The following SEC31A variants were observed in gnomAD, a reference collection of about 807,000 sequenced individuals.
The protein encoded by SEC31A is protein transport protein Sec31A.
SEC31A carries 70 observed loss-of-function variants against 151.0 expected under a neutral mutation model. The ratio of observed to expected loss-of-function variants is 0.46; its 90% CI spans 0.38 to 0.57. The LOEUF is 0.57. SEC31A is among the 20% of genes least tolerant of loss of function. The pLI, the probability that SEC31A is intolerant of heterozygous loss-of-function variation, is 0.00. For missense variants in SEC31A, 1,330 were observed against 1,471.2 expected, an observed-to-expected ratio of 0.90 and a Z score of 1.57; for synonymous variants, 475 against 505.9, an observed-to-expected ratio of 0.94 and a Z score of 0.82.
Position 82,824,671 on chromosome 4 carries a change from C to T in SEC31A, c.3295G>A (p.Val1099Met). 6.2e-7 allele frequency: 1 copy of T among 1,613,696 alleles called. No homozygotes were observed. The highest frequency in any genetic ancestry group is 8.5e-7 in the Non-Finnish European group (1 of 1,179,878). The part of the protein sequence containing the change: ...GAPIGNTFQH[V>M]QSLPTKKITK... ...ATTTTTTTTGTTGGCAAAGACTGCA[C>T]ATGCTGGAAGAAACACACCAAAAAC... The change falls in exon 25 of 27, where the codon GTG (valine) becomes ATG (methionine). Residue 1099 changes from valine to methionine, a missense_variant. Transcript: ENST00000395310.
chr4:82,872,232 G>A (rs1181261697), intron 6 of SEC31A, 146 bp from the exon 7 acceptor site: 1 of 678,320 alleles, frequency 1.5e-6, no homozygotes, highest in Non-Finnish European at 2.5e-6. Context: ...TTGTCAGCCA[G>A]GCTGGAGTGC....
chr4:82,823,415 T>G (rs1723839977), intron 25 of SEC31A, among the ~76,000 whole-genome samples: 1 of 152,206 alleles, frequency 6.6e-6, no homozygotes, highest in African/African-American at 2.4e-5. Context: ...TCCCAGAATG[T>G]CAGGCACTAA....
chr4:82,850,198 T>G (rs1731194979), intron 19 of SEC31A, among the ~76,000 whole-genome samples: 1 of 152,104 alleles, frequency 6.6e-6, no homozygotes, highest in Non-Finnish European at 1.5e-5. Context: ...CTAGATGAGC[T>G]ACGGGTCTTA....
chr4:82,861,905 CTTTTTTTTTTTTTTTTT>C, intron 13 of SEC31A, 197 bp from the exon 14 acceptor site: 1 of 87,902 alleles, frequency 1.1e-5, no homozygotes, highest in Non-Finnish European at 2.0e-5. Context: ...CTTTCCCATT[CTTTTTTTTTTTTTTTTT>C]TTTTTTTTTG....
chr4:82,841,338 G>A (rs1298901048), intron 22 of SEC31A, among the ~76,000 whole-genome samples: 2 of 150,112 alleles, frequency 1.3e-5, no homozygotes, highest in South Asian at 2.1e-4. Flanking sequence ...CAGGAGAATC[G>A]CTTGAACCCG....
rs1205126524 is a variant in SEC31A, at chr4:82,881,772, G to A, written c.79+86C>T. 5.9e-6 allele frequency: 6 copies of A among 1,012,826 alleles called. No homozygotes were observed. The Admixed American group carries it at 1.1e-4, about 18-fold the overall frequency. 62.7% of individuals were successfully genotyped at this position (1,012,826 alleles called of 1,614,324 possible). A position where few individuals can be genotyped will look rare whatever the true frequency, so the allele number is the denominator to read the frequency against. On this transcript the variant is annotated intron_variant, in intron 2 of 26. Transcript: ENST00000395310. ...TTGCCAGGGAGAGAGAGGCTTTCTA[G>A]AGAAGATAAAGCTTAAACTGAATAA...
chr4:82,862,035 C>A (rs1173588358), intron 13 of SEC31A, among the ~76,000 whole-genome samples: 1 of 151,012 alleles, frequency 6.6e-6, no homozygotes, highest in African/African-American at 2.4e-5. Flanking sequence ...GCCTTAGCCG[C>A]CCAAGTAGCT....
intron 20 of SEC31A, 108 bp from the exon 21 acceptor site, chr4:82,844,617 C>T: frequency 9.0e-7 from 1 of 1,114,146 alleles, no homozygotes; most frequent in Non-Finnish European, 1.3e-6. Context: ...TAAAAAAAAA[C>T]TTTATTGCAT....
Position 82,842,181 on chromosome 4 carries a change from G to A in SEC31A, c.2927C>T (p.Thr976Ile), listed in dbSNP as rs369769185. 119 of 1,592,616 alleles carry A rather than the reference G, an allele frequency of 7.5e-5. No individual in the cohort carries two copies. The highest frequency in any genetic ancestry group is 2.2e-5 in the East Asian group (1 of 44,668). Residue 976 changes from threonine to isoleucine, a missense_variant, in exon 22 of 27, where the codon ACA becomes ATA. Physicochemically the swap from Thr to Ile is moderately conservative, Grantham distance 89 (BLOSUM62 -1). Coordinates refer to ENST00000395310, the MANE Select transcript of SEC31A (RefSeq NM_001077207.4). ...AYALPPGTTG[T>I]LPAASELPAS... is the part of the protein sequence containing the mutation. Reference sequence around the variant, plus strand: ...AGGCAGCTCACTGGCAGCAGGCAGTGTACCTGTTGTTCCAGGAGGCAGTGC... The same window carrying A: ...AGGCAGCTCACTGGCAGCAGGCAGTATACCTGTTGTTCCAGGAGGCAGTGC...
chr4:82,831,720 T>C (rs1263316372), intron 22 of SEC31A, among the ~76,000 whole-genome samples: 1 of 152,174 alleles, frequency 6.6e-6, no homozygotes, highest in African/African-American at 2.4e-5. Flanking sequence ...ACTGTGCATA[T>C]AAATGAGAAT....
At chr4:82,883,684 C>T (rs1318108729) in intron 1 of SEC31A, among the ~76,000 whole-genome samples, 1 of 151,960 alleles carries the variant, frequency 6.6e-6, no homozygotes. Flanking sequence ...CAAAAATTAG[C>T]TGGGCATGGT....
At position 82,878,881 on chromosome 4, in the gene SEC31A, T is replaced by C. The variant is rs113368612; in HGVS notation, c.251A>G (p.Asp84Gly). Residue 84 changes from aspartate to glycine, a missense_variant, in exon 4 of 27, where the codon GAT becomes GGT. By Grantham distance (94) the Asp-to-Gly change is moderately conservative. Transcript: ENST00000395310. ...ACCTGCAATCAGAACTCCAGAGACA[T>C]CTCCTTTGGAATCCATTTTATAAGG... ...WGPYKMDSKG[D>G]VSGVLIAGGE... is the part of the protein sequence containing the mutation. 39 of 1,613,950 alleles carry C rather than the reference T, an allele frequency of 2.4e-5. 1 individual carries two copies. The Middle Eastern group carries it at 5.0e-4, about 20-fold the overall frequency.
intron 17 of SEC31A, 33 bp from the exon 18 acceptor site, chr4:82,853,748 A>G (rs764318941): frequency 6.4e-7 from 1 of 1,567,378 alleles, no homozygotes; most frequent in South Asian, 1.2e-5. Flanking sequence ...ATAAGATTAT[A>G]CCCAAGGCAA....
intron 3 of SEC31A, chr4:82,898,099 AATAGTC>A (rs2126006087): frequency 6.6e-6 from 1 of 152,364 alleles, no homozygotes; most frequent in African/African-American, 2.4e-5. Context: ...TTTTTTGTGC[AATAGTC>A]AATGCCTTTG....
In SEC31A at chr4:82,878,719, A is replaced by G. The variant is rs776884795; in HGVS notation, c.402+11T>C. On this transcript the variant is annotated intron_variant, in intron 4 of 26. Coordinates refer to ENST00000395310, the MANE Select transcript of SEC31A (RefSeq NM_001077207.4). Reference sequence around the variant, plus strand: ...CATAGTCTAAGAATTATGAAATGTTAAAGTCTTAACCTGGAAAATGTTCAC... The same window carrying G: ...CATAGTCTAAGAATTATGAAATGTTGAAGTCTTAACCTGGAAAATGTTCAC... 25 of 1,605,216 alleles carry G rather than the reference A, an allele frequency of 1.6e-5. No homozygotes were observed. The highest frequency in any genetic ancestry group is 2.1e-5 in the Non-Finnish European group (25 of 1,172,326).
intron 20 of SEC31A, among the ~76,000 whole-genome samples, chr4:82,846,366 CATAATAATA>C (rs35831381): frequency 5.3e-4 from 74 of 140,538 alleles, no homozygotes; most frequent in East Asian, 1.2e-3. Context: ...AACTCCAAAA[CATAATAATA>C]ATAATAATAA....
chr4:82,886,560 G>T (rs917088314), intron 1 of SEC31A, among the ~76,000 whole-genome samples: 2 of 152,146 alleles, frequency 1.3e-5, no homozygotes, highest in African/African-American at 2.4e-5. Context: ...TATTTGGGGG[G>T]AAAAATTCCA....
At chr4:82,874,482 A>C in intron 6 of SEC31A, 129 bp downstream of exon 6, 4 of 873,700 alleles carry the variant, frequency 4.6e-6, no homozygotes, top group South Asian at 4.0e-5. Flanking sequence ...TCCTTCTAAC[A>C]TGACTGATTA....
chr4:82,861,662 C>A lies in SEC31A; in HGVS notation c.1595G>T (p.Ser532Ile), dbSNP rs998858412. 6.2e-7 allele frequency: 1 copy of A among 1,611,130 alleles called. No homozygotes were observed. Among genetic ancestry groups the A allele is most frequent in the East Asian group, 2.2e-5 (1 of 44,862 alleles). ...DQVAQSDGEE[S>I]PAAEEQLLGE... ...CAAGAGCTGCTCTTCAGCAGCAGGG[C>A]TCTCCTCCCCATCACTCTGTGCTAC... The change falls in exon 14 of 27, where the codon AGC (serine) becomes ATC (isoleucine). Residue 532 changes from serine (S) to isoleucine (I), a missense_variant. By Grantham distance (142) the Ser-to-Ile change is moderately radical (BLOSUM62 -2). Transcript: ENST00000395310.
Sources: allele counts gnomAD v4.1 joint callset (sites outside exome capture counted in the v4.1 genomes callset), GRCh38; gene constraint gnomAD v4.1.1; transcripts MANE v1.5; gene names NCBI Gene and HGNC (gene_info 2026-07-23, HGNC 2026-07-21).